The following MAGI2 variants were observed in gnomAD, a reference collection of about 807,000 sequenced individuals.
The protein encoded by MAGI2 is membrane-associated guanylate kinase, WW and PDZ domain-containing protein 2.
Under a neutral mutation model 133.3 loss-of-function variants are expected in MAGI2, and 35 were observed. The ratio of observed to expected loss-of-function variants is 0.26; its 90% CI spans 0.20 to 0.35. The LOEUF is 0.35. Ranked by LOEUF, MAGI2 falls within the 10% of genes least tolerant of loss-of-function variation. The pLI is 1.00. For synonymous variants in MAGI2, 729 were observed against 710.6 expected (o/e 1.03, Z -0.41); for missense variants, 1,636 against 1,863.4 (o/e 0.88, Z 2.25).
At chr7:78,782,460 T>A (rs1249062665) in intron 2 of MAGI2, among the ~76,000 whole-genome samples, 3 of 152,094 alleles carry the variant, frequency 2.0e-5, no homozygotes, top group Admixed American at 6.5e-5. Context: ...GAGTGTGGAA[T>A]CCTTGACAGA....
intron 2 of MAGI2, among the ~76,000 whole-genome samples, chr7:78,779,473 G>A (rs994279518): frequency 1.3e-5 from 2 of 152,198 alleles, no homozygotes; most frequent in African/African-American, 4.8e-5. Flanking sequence ...AAGATGAAGA[G>A]AGAATAGAAA....
intron 2 of MAGI2, among the ~76,000 whole-genome samples, chr7:78,696,213 C>G (rs563489400): frequency 6.6e-6 from 1 of 152,328 alleles, no homozygotes; most frequent in Non-Finnish European, 1.5e-5. Flanking sequence ...GTTGGGATTA[C>G]AGGCATGAAC....
intron 2 of MAGI2, among the ~76,000 whole-genome samples, chr7:78,637,828 T>C (rs1809841949): frequency 6.6e-6 from 1 of 152,176 alleles, no homozygotes; most frequent in Non-Finnish European, 1.5e-5. Context: ...CAGCCAGGTG[T>C]GGTGCCTCAC....
intron 6 of MAGI2, among the ~76,000 whole-genome samples, chr7:78,421,311 T>G (rs1299040822): frequency 6.6e-6 from 1 of 152,120 alleles, no homozygotes; most frequent in Non-Finnish European, 1.5e-5. Context: ...AGCTGCATAG[T>G]TTGGGTAAGA....
intron 2 of MAGI2, among the ~76,000 whole-genome samples, chr7:78,639,822 G>T (rs1412718203): frequency 6.6e-6 from 1 of 152,126 alleles, no homozygotes; most frequent in Non-Finnish European, 1.5e-5. Flanking sequence ...GAGTGGCATG[G>T]CCTGGCTCCC....
At chr7:79,166,789 G>T (rs966010169) in intron 1 of MAGI2, among the ~76,000 whole-genome samples, 26 of 151,922 alleles carry the variant, frequency 1.7e-4, no homozygotes, top group African/African-American at 6.3e-4. Context: ...TTTTTTCATA[G>T]CTCTAATAAG....
intron 1 of MAGI2, among the ~76,000 whole-genome samples, chr7:79,355,120 T>C (rs1841936073): frequency 6.6e-6 from 1 of 152,218 alleles, no homozygotes; most frequent in Non-Finnish European, 1.5e-5. Context: ...CTGTGGGTGA[T>C]ACTCATTTCC....
chr7:78,949,253 G>A (rs1039461152), intron 2 of MAGI2, among the ~76,000 whole-genome samples: 9 of 152,268 alleles, frequency 5.9e-5, no homozygotes, highest in African/African-American at 2.2e-4. Flanking sequence ...CATAATGCCT[G>A]ATGTCTAGAG....
chr7:78,048,777 G>T (rs560026666), intron 21 of MAGI2, among the ~76,000 whole-genome samples: 5 of 152,294 alleles, frequency 3.3e-5, no homozygotes, highest in Non-Finnish European at 5.9e-5. Flanking sequence ...CATTCTGGGA[G>T]ATTTCCAATG....
At chr7:78,071,797 A>G (rs997729369) in intron 21 of MAGI2, among the ~76,000 whole-genome samples, 4 of 152,310 alleles carry the variant, frequency 2.6e-5, no homozygotes, top group Middle Eastern at 3.4e-3. Context: ...GGAAGCTCTC[A>G]TGGAAAAGGA....
intron 9 of MAGI2, among the ~76,000 whole-genome samples, chr7:78,317,109 C>A (rs891242668): frequency 1.3e-5 from 2 of 152,192 alleles, no homozygotes; most frequent in Non-Finnish European, 2.9e-5. Flanking sequence ...CATAAAACAA[C>A]TATTGCATAT....
intron 6 of MAGI2, among the ~76,000 whole-genome samples, chr7:78,477,187 C>T (rs1415212227): frequency 6.6e-6 from 1 of 151,916 alleles, no homozygotes; most frequent in Non-Finnish European, 1.5e-5. Flanking sequence ...AACCTAACCA[C>T]CGAGGGACAC....
At chr7:78,298,810 GTTTTTTT>G (rs71085520) in intron 9 of MAGI2, among the ~76,000 whole-genome samples, 3 of 79,606 alleles carry the variant, frequency 3.8e-5, no homozygotes, top group Admixed American at 1.6e-4. Flanking sequence ...TGGCCTAAAC[GTTTTTTT>G]TTTTTTTTTT....
At chr7:78,953,887 A>G (rs1584489131) in intron 2 of MAGI2, among the ~76,000 whole-genome samples, 1 of 152,136 alleles carries the variant, frequency 6.6e-6, no homozygotes, top group African/African-American at 2.4e-5. Context: ...ACAATCATGA[A>G]AGTATTTAAG....
rs1444266906 is a variant in MAGI2 at position 78,346,034 on chromosome 7, A to G, written c.1113T>C (p.Asn371=). ...CAGGATTTTCAAACTGTGTTCTTCT[A>G]TTTATGTGGCTAAAAAAGAAAATTT... The part of the protein sequence containing the change: ...IYGTYYVDHI[N]RRTQFENPVL... The change falls in exon 8 of 22, where the codon AAT becomes AAC. Residue 371 remains asparagine, a synonymous_variant. Transcript: ENST00000354212. 1.2e-6 allele frequency: 2 copies of G among 1,613,614 alleles called. No individual in the cohort carries two copies. Among genetic ancestry groups the G allele is most frequent in the Admixed American group, 1.7e-5 (1 of 59,878 alleles).
intron 2 of MAGI2, among the ~76,000 whole-genome samples, chr7:78,834,945 C>A (rs1791488175): frequency 6.6e-6 from 1 of 152,166 alleles, no homozygotes; most frequent in African/African-American, 2.4e-5. Context: ...TGAAAGCTCC[C>A]TGAGGCCTCC....
chr7:78,661,096 G>A (rs550423897), intron 2 of MAGI2, among the ~76,000 whole-genome samples: 2 of 152,148 alleles, frequency 1.3e-5, no homozygotes, highest in South Asian at 4.1e-4. Flanking sequence ...AACAACAATG[G>A]CATTTGTGAA....
chr7:78,215,532 A>G (rs1167516002), intron 10 of MAGI2, among the ~76,000 whole-genome samples: 1 of 152,172 alleles, frequency 6.6e-6, no homozygotes, highest in Non-Finnish European at 1.5e-5. Flanking sequence ...AAATGTAACT[A>G]TGCACTTAGA....
intron 1 of MAGI2, among the ~76,000 whole-genome samples, chr7:79,084,237 G>A (rs978997715): frequency 1.8e-4 from 28 of 151,766 alleles, no homozygotes; most frequent in Admixed American, 7.2e-4. Context: ...TAAGGTAGAA[G>A]ATTAGGTTAT....
Sources: gnomAD v4.1 joint callset for allele counts (sites outside exome capture counted in the v4.1 genomes callset) on GRCh38, gnomAD v4.1.1 for gene constraint, MANE v1.5 for transcripts, NCBI Gene and HGNC (gene_info 2026-07-23, HGNC 2026-07-21) for gene names.